Variants in STXBP5L observed in about 807,000 individuals in gnomAD.
STXBP5L encodes the protein syntaxin binding protein 5L.
Under a neutral mutation model 144.5 loss-of-function variants are expected in STXBP5L, and 65 were observed. The ratio of observed to expected loss-of-function variants is 0.45; its 90% CI spans 0.37 to 0.55. STXBP5L has a LOEUF of 0.55. Among genes scored for constraint, STXBP5L ranks in the 20% least tolerant of loss-of-function variants. The probability of loss-of-function intolerance (pLI) is 0.00; values close to 1 mark genes in which losing one functional copy is unlikely to be tolerated. For missense variants in STXBP5L, 1,298 were observed against 1,405.5 expected, an observed-to-expected ratio of 0.92 and a Z score of 1.22; for synonymous variants, 505 against 469.6, an observed-to-expected ratio of 1.08 and a Z score of -0.97.
intron 3 of STXBP5L, among the ~76,000 whole-genome samples, chr3:120,955,746 A>T (rs1217651406): frequency 6.6e-6 from 1 of 151,960 alleles, no homozygotes; most frequent in African/African-American, 2.4e-5. Context: ...AAACATTTCT[A>T]TCACCACAAG....
chr3:121,031,334 A>G (rs1485174984), intron 3 of STXBP5L, among the ~76,000 whole-genome samples: 2 of 152,092 alleles, frequency 1.3e-5, no homozygotes, highest in Non-Finnish European at 2.9e-5. Context: ...TGTATATCCT[A>G]TTGGCAACCA....
chr3:121,117,658 A>T (rs1273695448), intron 6 of STXBP5L, among the ~76,000 whole-genome samples: 1 of 151,844 alleles, frequency 6.6e-6, no homozygotes, highest in East Asian at 1.9e-4. Context: ...TGCAAGAATT[A>T]TCTAAAAAAA....
chr3:121,169,933 C>G (rs2046644046), intron 9 of STXBP5L, among the ~76,000 whole-genome samples: 2 of 152,112 alleles, frequency 1.3e-5, no homozygotes, highest in South Asian at 4.1e-4. Context: ...TAAAATTGAC[C>G]ACATAATTGG....
At chr3:121,273,070 G>A (rs1420633538) in intron 18 of STXBP5L, among the ~76,000 whole-genome samples, 3 of 151,856 alleles carry the variant, frequency 2.0e-5, no homozygotes, top group Admixed American at 1.3e-4. Context: ...CTACAATATT[G>A]TGAATTTAAC....
intron 9 of STXBP5L, among the ~76,000 whole-genome samples, chr3:121,169,258 A>T (rs1446001605): frequency 6.6e-6 from 1 of 152,194 alleles, no homozygotes; most frequent in Non-Finnish European, 1.5e-5. Flanking sequence ...AGGATCATCC[A>T]CCCTCTGAAG....
At chr3:121,085,060 G>A (rs936687954) in intron 5 of STXBP5L, among the ~76,000 whole-genome samples, 1 of 152,022 alleles carries the variant, frequency 6.6e-6, no homozygotes, top group Non-Finnish European at 1.5e-5. Flanking sequence ...GTTTGATGGG[G>A]TTGATGGTTT....
intron 22 of STXBP5L, among the ~76,000 whole-genome samples, chr3:121,394,602 GTTTTTTT>G (rs373859677): frequency 1.0e-5 from 1 of 99,742 alleles, no homozygotes; most frequent in African/African-American, 4.0e-5. Flanking sequence ...TTTGTTGAGG[GTTTTTTT>G]TTTTTTTTTT....
At chr3:121,370,640 C>A (rs1437099027) in intron 20 of STXBP5L, among the ~76,000 whole-genome samples, 1 of 152,186 alleles carries the variant, frequency 6.6e-6, no homozygotes, top group Non-Finnish European at 1.5e-5. Context: ...TTCAGAAATG[C>A]CAATGAGTCA....
At chr3:121,042,709 A>G (rs1023800741) in intron 4 of STXBP5L, among the ~76,000 whole-genome samples, 4 of 152,158 alleles carry the variant, frequency 2.6e-5, no homozygotes, top group Admixed American at 1.3e-4. Context: ...ACCCAAGGCA[A>G]GAAAGATATT....
chr3:121,291,171 C>T (rs986139094), intron 19 of STXBP5L, among the ~76,000 whole-genome samples: 6 of 152,018 alleles, frequency 3.9e-5, no homozygotes, highest in African/African-American at 1.4e-4. Flanking sequence ...ATCCAAAAAG[C>T]ACATGGATCT....
At chr3:121,024,691 A>T (rs1356126969) in intron 3 of STXBP5L, among the ~76,000 whole-genome samples, 4 of 152,174 alleles carry the variant, frequency 2.6e-5, no homozygotes, top group African/African-American at 9.6e-5. Context: ...GCAACACTCA[A>T]GTAGAAAACG....
chr3:121,213,116 A>G (rs1332566501), intron 10 of STXBP5L, among the ~76,000 whole-genome samples: 1 of 152,216 alleles, frequency 6.6e-6, no homozygotes, highest in African/African-American at 2.4e-5. Context: ...TTGGGCTGAG[A>G]CAATGGGGTT....
chr3:121,344,959 G>C (rs138685339), intron 20 of STXBP5L, among the ~76,000 whole-genome samples: 1 of 149,690 alleles, frequency 6.7e-6, no homozygotes, highest in South Asian at 2.1e-4. Flanking sequence ...ATATATATAA[G>C]ATTATATATA....
At chr3:121,018,551 A>G (rs962050754) in intron 3 of STXBP5L, among the ~76,000 whole-genome samples, 3 of 150,726 alleles carry the variant, frequency 2.0e-5, no homozygotes, top group African/African-American at 7.3e-5. Flanking sequence ...AAAAATGCAG[A>G]CACAGTCCTT....
At chr3:121,326,496 A>T (rs1477722293) in intron 20 of STXBP5L, among the ~76,000 whole-genome samples, 1 of 152,074 alleles carries the variant, frequency 6.6e-6, no homozygotes, top group Non-Finnish European at 1.5e-5. Context: ...TAAATTCATA[A>T]GTACATAAAC....
intron 3 of STXBP5L, among the ~76,000 whole-genome samples, chr3:121,015,376 G>A (rs1291622532): frequency 6.6e-6 from 1 of 152,066 alleles, no homozygotes; most frequent in African/African-American, 2.4e-5. Context: ...AACTTTTCTT[G>A]GACCTATTAG....
chr3:121,070,165 G>A (rs994933012), intron 5 of STXBP5L, among the ~76,000 whole-genome samples: 2 of 152,188 alleles, frequency 1.3e-5, no homozygotes, highest in Non-Finnish European at 2.9e-5. Context: ...CCTGAACAAA[G>A]GGCTTTTCCT....
chr3:121,348,706 A>C (rs2045121392), intron 20 of STXBP5L, among the ~76,000 whole-genome samples: 1 of 151,994 alleles, frequency 6.6e-6, no homozygotes, highest in South Asian at 2.1e-4. Flanking sequence ...GTGTCGAGGA[A>C]TTTATCCATT....
intron 12 of STXBP5L, among the ~76,000 whole-genome samples, chr3:121,238,616 G>C (rs1361991589): frequency 6.6e-6 from 1 of 151,950 alleles, no homozygotes; most frequent in African/African-American, 2.4e-5. Context: ...AATGTATATA[G>C]GTAAAGTGCT....
Sources: allele counts gnomAD v4.1 joint callset (sites outside exome capture counted in the v4.1 genomes callset), GRCh38; gene constraint gnomAD v4.1.1; transcripts MANE v1.5; gene names NCBI Gene and HGNC (gene_info 2026-07-23, HGNC 2026-07-21).